RHBDD1: variants seen among roughly 807,000 people sequenced by gnomAD.
RHBDD1 encodes rhomboid-related protein 4.
A neutral mutation model predicts 36.3 loss-of-function variants in RHBDD1; 38 were observed. The ratio of observed to expected loss-of-function variants is 1.05; its 90% CI spans 0.81 to 1.37. The LOEUF (loss-of-function observed/expected upper bound fraction) is 1.37. RHBDD1 is among the 40% of genes most tolerant of loss of function. RHBDD1 has a pLI of 0.00. For synonymous variants in RHBDD1, 151 were observed against 136.5 expected (o/e 1.11, Z -0.74); for missense variants, 393 against 377.6 (o/e 1.04, Z -0.34).
intron 8 of RHBDD1, among the ~76,000 whole-genome samples, chr2:226,991,718 A>T (rs1265598052): frequency 1.3e-5 from 2 of 152,204 alleles, no homozygotes; most frequent in Non-Finnish European, 2.9e-5. Flanking sequence ...TAAGACCAAG[A>T]GCAAGAGGGT....
At chr2:226,909,581 G>A (rs1293523386) in intron 7 of RHBDD1, among the ~76,000 whole-genome samples, 1 of 152,066 alleles carries the variant, frequency 6.6e-6, no homozygotes, top group Non-Finnish European at 1.5e-5. Context: ...ATTTTAGTAG[G>A]GTAGGAGTTT....
chr2:226,812,289 A>C, the RHBDD1 span, among the ~76,000 whole-genome samples: 1 of 152,256 alleles, frequency 6.6e-6, no homozygotes. Flanking sequence ...TCTGTATGGC[A>C]ATGGGGTAGG....
At chr2:226,906,734 CAG>C in intron 5 of RHBDD1, 57 bp from the exon 6 acceptor site, 1 of 1,613,282 alleles carries the variant, frequency 6.2e-7, no homozygotes, top group Non-Finnish European at 8.5e-7. Flanking sequence ...AATGAGAAGA[CAG>C]AATGTCTCTA....
intron 7 of RHBDD1, among the ~76,000 whole-genome samples, chr2:226,909,415 G>C (rs966084629): frequency 6.6e-6 from 1 of 152,188 alleles, no homozygotes; most frequent in Non-Finnish European, 1.5e-5. Flanking sequence ...TAAAGCCTTT[G>C]CATTCCAGTC....
chr2:226,902,242 A>G (rs1368554511), intron 5 of RHBDD1, among the ~76,000 whole-genome samples: 1 of 152,172 alleles, frequency 6.6e-6, no homozygotes, highest in African/African-American at 2.4e-5. Flanking sequence ...TAACACATCT[A>G]ATTATGATTG....
intron 8 of RHBDD1, among the ~76,000 whole-genome samples, chr2:226,977,624 G>C (rs985145119): frequency 1.3e-5 from 2 of 152,214 alleles, no homozygotes; most frequent in Non-Finnish European, 2.9e-5. Flanking sequence ...TGCACAGGGA[G>C]AAGCATAATA....
intron 5 of RHBDD1, among the ~76,000 whole-genome samples, chr2:226,903,425 C>T (rs776176652): frequency 1.5e-4 from 23 of 152,144 alleles, no homozygotes; most frequent in Admixed American, 2.0e-4. Flanking sequence ...CCGTGAGTCA[C>T]TTAGTAGCTG....
chr2:226,983,520 G>C (rs1956250098), intron 8 of RHBDD1, among the ~76,000 whole-genome samples: 1 of 152,172 alleles, frequency 6.6e-6, no homozygotes, highest in Admixed American at 6.5e-5. Flanking sequence ...TGCAGTAGTT[G>C]TCCAGGGTGA....
intron 6 of RHBDD1, among the ~76,000 whole-genome samples, chr2:226,907,894 C>T (rs530405000): frequency 6.6e-6 from 1 of 152,222 alleles, no homozygotes; most frequent in East Asian, 1.9e-4. Context: ...ATTTAATACT[C>T]ATTAGTACTG....
At chr2:226,935,346 A>C (rs1950268679) in intron 8 of RHBDD1, 2 of 152,170 alleles carry the variant, frequency 1.3e-5, no homozygotes, top group Admixed American at 1.3e-4. Flanking sequence ...GGACCAATTG[A>C]GATACGCTTT....
At chr2:226,843,074 G>C (rs114337404) in intron 3 of RHBDD1, among the ~76,000 whole-genome samples, 8,652 of 152,114 alleles carry the variant, frequency 0.057, 291 homozygotes, top group Admixed American at 0.082. Context: ...CTTTCTGCTT[G>C]CCGGTGTTGG....
intron 5 of RHBDD1, chr2:226,869,237 A>G (rs1175431505): frequency 1.0e-6 from 1 of 957,448 alleles, no homozygotes; most frequent in African/African-American, 1.8e-5. Flanking sequence ...CTTGGGAAGT[A>G]AATGAAATTT....
intron 8 of RHBDD1, among the ~76,000 whole-genome samples, chr2:226,928,623 A>T (rs1383056815): frequency 6.6e-6 from 1 of 152,010 alleles, no homozygotes; most frequent in Non-Finnish European, 1.5e-5. Flanking sequence ...ACTAAACCTA[A>T]AGCTAGAAGA....
intron 8 of RHBDD1, among the ~76,000 whole-genome samples, chr2:226,974,224 T>TA (rs1217964425): frequency 1.3e-4 from 19 of 145,180 alleles, no homozygotes; most frequent in Non-Finnish European, 2.7e-4. Flanking sequence ...GTGTTGCCCT[T>TA]TTTTTATTTT....
the RHBDD1 span, among the ~76,000 whole-genome samples, chr2:226,828,007 T>C: frequency 6.6e-6 from 1 of 152,344 alleles, no homozygotes; most frequent in East Asian, 1.9e-4. Flanking sequence ...ATGTATAGTT[T>C]GTGATTTTTA....
intron 3 of RHBDD1, among the ~76,000 whole-genome samples, chr2:226,854,831 G>A (rs993846311): frequency 6.6e-6 from 1 of 152,088 alleles, no homozygotes; most frequent in African/African-American, 2.4e-5. Context: ...GGATTGAGGT[G>A]GGGGGCACAA....
intron 3 of RHBDD1, among the ~76,000 whole-genome samples, chr2:226,847,922 T>C (rs921717745): frequency 1.3e-5 from 2 of 152,190 alleles, no homozygotes; most frequent in Non-Finnish European, 2.9e-5. Flanking sequence ...ATGGAACGCC[T>C]TGCAACTCCC....
In RHBDD1 at chr2:226,864,792, A is replaced by T. The variant is rs533446656; in HGVS notation, c.99A>T (p.Ala33=). The change falls in exon 4 of 9, where the codon GCA becomes GCT. Residue 33 remains alanine, a synonymous_variant. Coordinates refer to ENST00000392062, the MANE Select transcript of RHBDD1 (RefSeq NM_001167608.3). ...ACAATATTCCACCTGTCACCCTAGC[A>T]ACTTTGGCCCTCAACATCTGGTTCT... ...GINNIPPVTL[A]TLALNIWFFL... is the part of the protein sequence containing the mutation. 6.2e-7 allele frequency: 1 copy of T among 1,614,042 alleles called. No individual in the cohort carries two copies. The highest frequency in any genetic ancestry group is 1.3e-5 in the African/African-American group (1 of 74,918).
At chr2:226,884,414 T>G (rs971210632) in intron 5 of RHBDD1, among the ~76,000 whole-genome samples, 2 of 152,122 alleles carry the variant, frequency 1.3e-5, no homozygotes, top group African/African-American at 4.8e-5. Flanking sequence ...CCATTTAAAG[T>G]TGGCTTCTCA....
Sources: gnomAD v4.1 joint callset for allele counts (sites outside exome capture counted in the v4.1 genomes callset) on GRCh38, gnomAD v4.1.1 for gene constraint, MANE v1.5 for transcripts, NCBI Gene and HGNC (gene_info 2026-07-23, HGNC 2026-07-21) for gene names.